Variants in SIK2 observed in about 807,000 individuals in gnomAD.
The protein encoded by SIK2 is serine/threonine-protein kinase SIK2.
SIK2 carries 29 observed loss-of-function variants against 103.2 expected under a neutral mutation model. The observed-to-expected ratio is 0.28, with a 90% CI of 0.21 to 0.38. The LOEUF (loss-of-function observed/expected upper bound fraction) is 0.38, where lower values mean the gene tolerates loss of function less well. SIK2 is among the 10% of genes least tolerant of loss of function. The pLI is 1.00. For missense variants in SIK2, 879 were observed against 1,171.0 expected (o/e 0.75, Z 3.64); for synonymous variants, 412 against 446.1 (o/e 0.92, Z 0.96).
Position 111,724,468 on chromosome 11 carries a change from A to T in SIK2, c.*339A>T, listed in dbSNP as rs901571585. 2 of 288,548 alleles carry T rather than the reference A, an allele frequency of 6.9e-6. No homozygotes were observed. The highest frequency in any genetic ancestry group is 4.3e-5 in the African/African-American group (2 of 46,816). The allele number at this position is 288,548 out of a possible 1,614,324, so 17.9% of individuals were successfully genotyped here. ...TTATGCAGGATTACATCCGTTTATT[A>T]TCAAGGGCAACCTTGGTGAAAGCAG... On this transcript the variant is annotated 3_prime_UTR_variant, in exon 15 of 15. Transcript: ENST00000304987.
intron 3 of SIK2, among the ~76,000 whole-genome samples, chr11:111,655,238 C>A (rs994550686): frequency 3.9e-5 from 6 of 152,122 alleles, no homozygotes; most frequent in African/African-American, 1.4e-4. Context: ...CTCTTCTCTA[C>A]TAAAAATACA....
intron 2 of SIK2, among the ~76,000 whole-genome samples, chr11:111,617,806 T>A (rs201690547): frequency 2.1e-4 from 2 of 9,620 alleles, no homozygotes; most frequent in Non-Finnish European, 5.9e-3. Context: ...TGTTTATATA[T>A]ACGTCACCAT....
chr11:111,604,850 T>TG (rs1411985638), intron 1 of SIK2, among the ~76,000 whole-genome samples: 2 of 152,280 alleles, frequency 1.3e-5, no homozygotes, highest in Middle Eastern at 3.4e-3. Context: ...TGTGGTAATT[T>TG]GGTGGGTGTG....
intron 3 of SIK2, among the ~76,000 whole-genome samples, chr11:111,668,178 GA>G (rs778188343): frequency 0.035 from 504 of 14,398 alleles, 5 homozygotes; most frequent in East Asian, 0.3. Context: ...CTAAAGTAAG[GA>G]GTGTGTGTGT....
intron 3 of SIK2, among the ~76,000 whole-genome samples, chr11:111,629,065 A>G (rs1942003688): frequency 6.6e-6 from 1 of 152,184 alleles, no homozygotes; most frequent in African/African-American, 2.4e-5. Flanking sequence ...AAAAGAAGCC[A>G]TTTAGGAGTA....
At chr11:111,718,323 T>C (rs987827800) in intron 9 of SIK2, among the ~76,000 whole-genome samples, 24 of 152,188 alleles carry the variant, frequency 1.6e-4, no homozygotes, top group Non-Finnish European at 3.2e-4. Context: ...AAGGAAACTA[T>C]TAAGTTTAGT....
At chr11:111,651,714 G>A (rs138022374) in intron 3 of SIK2, among the ~76,000 whole-genome samples, 183 of 147,208 alleles carry the variant, frequency 1.2e-3, no homozygotes, top group African/African-American at 4.4e-3. Flanking sequence ...TGTGTATATA[G>A]GTAGCCATTG....
rs546231387 is a variant in SIK2 at position 111,628,542 on chromosome 11, A to C, written c.316+8140A>C. Among the ~76,000 whole-genome samples the C allele has an allele frequency of 3.3e-5, 5 of 151,538 alleles. No homozygotes were observed. The South Asian group carries it at 1.0e-3, about 32-fold the overall frequency. On this transcript the variant is annotated intron_variant, in intron 3 of 14. Coordinates refer to ENST00000304987, the MANE Select transcript of SIK2 (RefSeq NM_015191.3). ...CAGCCTCGACCTCCTGGGCTCAAGC[A>C]ATCCTCCTAAGTAGCTGGGACTACA...
chr11:111,722,771 T>C lies in SIK2; in HGVS notation c.2147+15T>C. 1 of 1,610,504 alleles carries C rather than the reference T, an allele frequency of 6.2e-7. No homozygotes were observed. The highest frequency in any genetic ancestry group is 8.5e-7 in the Non-Finnish European group (1 of 1,178,720). ...CAGGAACATAGGTGAGAAGGGGACT[T>C]TGGCCAAAGAAGTTGCTTCCTTTTC... is the stretch of plus-strand genomic sequence containing the variant. On this transcript the variant is annotated intron_variant, in intron 14 of 14. Transcript: ENST00000304987. This position sits in a 1 kb window ranked among gnomAD's most constrained non-coding sequence, Gnocchi z 4.4.
intron 7 of SIK2, among the ~76,000 whole-genome samples, chr11:111,704,527 TC>T (rs1220334028): frequency 1.3e-5 from 2 of 152,212 alleles, no homozygotes; most frequent in Non-Finnish European, 2.9e-5. Context: ...CCCAAAATAA[TC>T]AACAGAAAGT....
chr11:111,682,283 G>A (rs1230260343), intron 3 of SIK2, among the ~76,000 whole-genome samples: 1 of 152,150 alleles, frequency 6.6e-6, no homozygotes, highest in African/African-American at 2.4e-5. Context: ...AGGAAGCAAA[G>A]GACAAATCCA....
chr11:111,643,595 G>C (rs1942212532), intron 3 of SIK2, among the ~76,000 whole-genome samples: 1 of 152,120 alleles, frequency 6.6e-6, no homozygotes, highest in Non-Finnish European at 1.5e-5. Flanking sequence ...CAGATCACCT[G>C]AGGTTAAGAG....
chr11:111,667,231 G>A (rs1195594485), intron 3 of SIK2, among the ~76,000 whole-genome samples: 3 of 151,962 alleles, frequency 2.0e-5, no homozygotes, highest in Non-Finnish European at 2.9e-5. Context: ...GACCATGCCC[G>A]GCCGTAGTCA....
chr11:111,645,794 A>G (rs1353121308), intron 3 of SIK2, among the ~76,000 whole-genome samples: 1 of 151,764 alleles, frequency 6.6e-6, no homozygotes, highest in Non-Finnish European at 1.5e-5. Flanking sequence ...TAGCCTGGGC[A>G]ACAAGAGCAA....
chr11:111,698,149 C>G (rs1448801968), intron 4 of SIK2, among the ~76,000 whole-genome samples: 1 of 152,190 alleles, frequency 6.6e-6, no homozygotes, highest in African/African-American at 2.4e-5. Flanking sequence ...TTTCTATATT[C>G]ATATTACCTA....
At chr11:111,715,793 C>CAT (rs1265736886) in intron 9 of SIK2, among the ~76,000 whole-genome samples, 1 of 81,580 alleles carries the variant, frequency 1.2e-5, no homozygotes, top group Non-Finnish European at 2.2e-5. Context: ...TCATTTTTAG[C>CAT]TTTTTTTTTT....
rs1166918775 is a variant in SIK2, at chr11:111,729,561, ACTGGCTTCTGGTTTTGGTTCT to A, written c.*5442_*5462del. 2 of 152,252 alleles carry A rather than the reference ACTGGCTTCTGGTTTTGGTTCT, an allele frequency of 1.3e-5. No individual in the cohort carries two copies. The highest frequency in any genetic ancestry group is 4.8e-5 in the African/African-American group (2 of 41,452). 9.4% of individuals were successfully genotyped at this position (152,252 alleles called of 1,614,324 possible). ...GGAGCTGGGACACGCGCTTGGGTTG[ACTGGCTTCTGGTTTTGGTTCT>A]CTGGCTTCTAGTGCTGGAAGAAGCC... On this transcript the variant is annotated 3_prime_UTR_variant, in exon 15 of 15. Coordinates refer to ENST00000304987, the MANE Select transcript of SIK2 (RefSeq NM_015191.3).
In SIK2 at chr11:111,622,866, A is replaced by G. The variant is rs145770650; in HGVS notation, c.316+2464A>G. On this transcript the variant is annotated intron_variant, in intron 3 of 14. Coordinates refer to ENST00000304987, the MANE Select transcript of SIK2 (RefSeq NM_015191.3). ...TACCACTGGTTTCAACAATTTCATTATGATGAGCCTTTGTGTGGTTTTCTT... is the reference window on the plus strand; with the variant it reads ...TACCACTGGTTTCAACAATTTCATTGTGATGAGCCTTTGTGTGGTTTTCTT... Among the ~76,000 whole-genome samples, 801 of 152,268 alleles carry G rather than the reference A, an allele frequency of 5.3e-3. 9 individuals carry two copies. Among genetic ancestry groups the G allele is most frequent in the African/African-American group, 0.018 (742 of 41,568 alleles).
chr11:111,712,743 A>C (rs1943536918), intron 9 of SIK2, among the ~76,000 whole-genome samples: 1 of 152,198 alleles, frequency 6.6e-6, no homozygotes, highest in Non-Finnish European at 1.5e-5. Flanking sequence ...ATTAACTTTC[A>C]TGCCAAATTG....
Sources: gnomAD v4.1 joint callset for allele counts (sites outside exome capture counted in the v4.1 genomes callset) on GRCh38, gnomAD v4.1.1 for gene constraint, Gnocchi (gnomAD v3.1) non-coding constraint, MANE v1.5 for transcripts, NCBI Gene and HGNC (gene_info 2026-07-23, HGNC 2026-07-21) for gene names.